The following GALNTL5 variants were observed in gnomAD, a reference collection of about 807,000 sequenced individuals.
GALNTL5 encodes the protein inactive polypeptide N-acetylgalactosaminyltransferase-like protein 5.
GALNTL5 carries 44 observed loss-of-function variants against 51.0 expected under a neutral mutation model. The observed-to-expected ratio is 0.86, with a 90% CI of 0.68 to 1.11. The LOEUF (loss-of-function observed/expected upper bound fraction) is 1.11. GALNTL5 is among the 50% of genes least tolerant of loss of function. The pLI is 0.00. For synonymous variants in GALNTL5, 192 were observed against 182.8 expected (o/e 1.05, Z -0.41); for missense variants, 528 against 531.8 (o/e 0.99, Z 0.07).
intron 5 of GALNTL5, among the ~76,000 whole-genome samples, chr7:151,991,893 A>G (rs1223057992): frequency 6.6e-6 from 1 of 152,162 alleles, no homozygotes; most frequent in African/African-American, 2.4e-5. Context: ...CATATTTTTG[A>G]TGATAAATGT....
intron 7 of GALNTL5, among the ~76,000 whole-genome samples, chr7:152,012,835 T>C (rs982670222): frequency 6.6e-6 from 1 of 152,032 alleles, no homozygotes; most frequent in African/African-American, 2.4e-5. Context: ...GGTTTGGCAG[T>C]GTGTACCTGT....
At chr7:152,016,481 G>A (rs2081815826) in intron 8 of GALNTL5, among the ~76,000 whole-genome samples, 1 of 152,006 alleles carries the variant, frequency 6.6e-6, no homozygotes, top group South Asian at 2.1e-4. Flanking sequence ...ACTTATGGGA[G>A]TGTTGACTTT....
At chr7:151,961,487 G>A (rs1162470322) in intron 1 of GALNTL5, among the ~76,000 whole-genome samples, 1 of 152,156 alleles carries the variant, frequency 6.6e-6, no homozygotes, top group Admixed American at 6.5e-5. Flanking sequence ...CTCCGGCCTG[G>A]GTGACAGAGC....
At chr7:151,995,420 G>A (rs2081487790) in intron 5 of GALNTL5, 2 of 124,808 alleles carry the variant, frequency 1.6e-5, no homozygotes, top group African/African-American at 6.1e-5. Context: ...ATGATTTGGA[G>A]GCAAACATGG....
chr7:151,996,424 A>G (rs2081501339), intron 5 of GALNTL5, among the ~76,000 whole-genome samples: 1 of 151,744 alleles, frequency 6.6e-6, no homozygotes, highest in Non-Finnish European at 1.5e-5. Context: ...CTTGAACATC[A>G]ATACCAAAAA....
chr7:151,964,670 G>A (rs548196897), intron 1 of GALNTL5, among the ~76,000 whole-genome samples: 9 of 152,226 alleles, frequency 5.9e-5, no homozygotes, highest in Admixed American at 3.3e-4. Context: ...CATCAGTGTC[G>A]TGAAAACAGA....
In GALNTL5 at chr7:152,019,695, A is replaced by G; in HGVS notation, c.1226A>G (p.Asn409Ser). 6.2e-7 allele frequency: 1 copy of G among 1,613,604 alleles called. No homozygotes were observed. ...GGTCTGAAATATGTCACCTACGGAA[A>G]TATTCGCGAGCGTGTTGAGTTAAGG... ...KPGLKYVTYG[N>S]IRERVELRKR... The change falls in exon 9 of 9, where the codon AAT (asparagine) becomes AGT (serine). Residue 409 changes from asparagine (N) to serine (S), a missense_variant. Asn to Ser is a conservative substitution (Grantham distance 46). Coordinates refer to ENST00000392800, the MANE Select transcript of GALNTL5 (RefSeq NM_145292.4).
chr7:151,958,050 C>T lies in GALNTL5; in HGVS notation c.-40+1441C>T, dbSNP rs138332417. Among the ~76,000 whole-genome samples, 352 of 152,196 alleles carry T rather than the reference C, an allele frequency of 2.3e-3. 2 individuals carry two copies. The highest frequency in any genetic ancestry group is 8.2e-3 in the African/African-American group (340 of 41,520). On this transcript the variant is annotated intron_variant, in intron 1 of 8. Coordinates refer to ENST00000392800, the MANE Select transcript of GALNTL5 (RefSeq NM_145292.4). ...TGTTCACGTCTAAAGAGAATTCCCC[C>T]CAAGTTTTCCTGATGTATTAGAATC...
chr7:151,956,653 G>A (rs760885542), intron 1 of GALNTL5, 44 bp downstream of exon 1: 5 of 152,136 alleles, frequency 3.3e-5, no homozygotes, highest in African/African-American at 7.2e-5. Context: ...GAACAAAGAT[G>A]GGGGGAAACG....
At position 151,970,945 on chromosome 7, in the gene GALNTL5, G is replaced by T. The variant is rs755294782; in HGVS notation, c.248G>T (p.Gly83Val). ...TGATTCTAATTACATTTTCTTGCAG[G>T]TACAGATTTTAACCATACAAACCCA... is the stretch of plus-strand genomic sequence containing the variant. Reference protein sequence around the residue: ...TDEDKAKSMLGTDFNHTNPEL... With the variant: ...TDEDKAKSMLVTDFNHTNPEL... Residue 83 changes from glycine (G) to valine (V), a missense_variant and splice_region_variant, in exon 3 of 9, where the codon GGT (glycine) becomes GTT (valine). Coordinates refer to ENST00000392800, the MANE Select transcript of GALNTL5 (RefSeq NM_145292.4). 3.8e-6 allele frequency: 6 copies of T among 1,593,870 alleles called. No homozygotes were observed.
chr7:151,985,386 C>G (rs2081348822), intron 4 of GALNTL5, among the ~76,000 whole-genome samples: 1 of 152,194 alleles, frequency 6.6e-6, no homozygotes, highest in South Asian at 2.1e-4. Flanking sequence ...CACACAGAGC[C>G]TTAAACACAG....
chr7:152,011,755 C>T (rs551895819), intron 7 of GALNTL5, among the ~76,000 whole-genome samples: 1 of 152,350 alleles, frequency 6.6e-6, no homozygotes, highest in African/African-American at 2.4e-5. Flanking sequence ...TCTCCTCCTT[C>T]TCTGCCTGGA....
chr7:151,967,821 T>C (rs1049448295), intron 2 of GALNTL5, among the ~76,000 whole-genome samples: 2 of 152,308 alleles, frequency 1.3e-5, no homozygotes, highest in African/African-American at 2.4e-5. Flanking sequence ...CTGACCTGAA[T>C]TGATGGGTGT....
chr7:151,996,084 A>T (rs905733811), intron 5 of GALNTL5, among the ~76,000 whole-genome samples: 2 of 152,218 alleles, frequency 1.3e-5, no homozygotes, highest in Admixed American at 1.3e-4. Context: ...TAGGTTTAAC[A>T]GATTTATAGT....
At chr7:152,017,471 T>C (rs765222820) in intron 8 of GALNTL5, among the ~76,000 whole-genome samples, 7 of 152,224 alleles carry the variant, frequency 4.6e-5, no homozygotes, top group Non-Finnish European at 1.0e-4. Flanking sequence ...AGAGATGTAA[T>C]GGTGAATGAA....
chr7:151,959,507 G>C (rs183258562), intron 1 of GALNTL5, among the ~76,000 whole-genome samples: 384 of 152,106 alleles, frequency 2.5e-3, no homozygotes, highest in Non-Finnish European at 4.3e-3. Flanking sequence ...TCTCTATTTT[G>C]CACCCAGGAT....
intron 1 of GALNTL5, among the ~76,000 whole-genome samples, chr7:151,965,825 T>G (rs531753891): frequency 4.6e-5 from 7 of 152,232 alleles, no homozygotes; most frequent in African/African-American, 1.7e-4. Flanking sequence ...AAATCAAGGC[T>G]GCAGTGAGCC....
At chr7:151,971,120 TAGATAGATAGATAGATAGAA>T (rs1427580286) in intron 3 of GALNTL5, 55 bp downstream of exon 3, 33 of 1,287,898 alleles carry the variant, frequency 2.6e-5, no homozygotes, top group East Asian at 1.7e-4. Flanking sequence ...GATAGATAGA[TAGATAGATAGATAGATAGAA>T]AGAAAACAGT....
chr7:151,990,892 G>A, intron 5 of GALNTL5, among the ~76,000 whole-genome samples: 1 of 152,080 alleles, frequency 6.6e-6, no homozygotes, highest in South Asian at 2.1e-4. Context: ...GCCTTGGATG[G>A]CTAAATGCGT....
Sources: allele counts gnomAD v4.1 joint callset (sites outside exome capture counted in the v4.1 genomes callset), GRCh38; gene constraint gnomAD v4.1.1; transcripts MANE v1.5; gene names NCBI Gene and HGNC (gene_info 2026-07-23, HGNC 2026-07-21).